Variants in EYA1 observed in about 807,000 individuals in gnomAD.
EYA1 encodes protein phosphatase EYA1.
In EYA1, 16 loss-of-function variants were observed where a neutral mutation model predicts 82.0. The ratio of observed to expected loss-of-function variants is 0.20; its 90% confidence interval spans 0.13 to 0.30. The LOEUF (loss-of-function observed/expected upper bound fraction) is 0.30. EYA1 is among the 10% of genes least tolerant of loss of function. The probability of loss-of-function intolerance (pLI) is 1.00; values close to 1 mark genes in which losing one functional copy is unlikely to be tolerated. For synonymous variants in EYA1, 261 were observed against 264.4 expected, an observed-to-expected ratio of 0.99 and a Z score of 0.12; for missense variants, 633 against 730.7, an observed-to-expected ratio of 0.87 and a Z score of 1.54.
chr8:71,538,124 A>G (rs1244519378), intron 1 of EYA1, among the ~76,000 whole-genome samples: 1 of 152,188 alleles, frequency 6.6e-6, no homozygotes, highest in East Asian at 1.9e-4. Flanking sequence ...AAACCATGAA[A>G]TATATGACAT....
chr8:71,375,795 A>G (rs1162276146), intron 2 of EYA1, among the ~76,000 whole-genome samples: 1 of 151,886 alleles, frequency 6.6e-6, no homozygotes, highest in Non-Finnish European at 1.5e-5. Context: ...TGCCCAGATA[A>G]TTTTTGTATT....
chr8:71,490,590 T>A (rs531097362), intron 2 of EYA1, among the ~76,000 whole-genome samples: 14 of 152,178 alleles, frequency 9.2e-5, no homozygotes, highest in Non-Finnish European at 1.6e-4. Context: ...GAGAAAATTA[T>A]TCGAGGAGCT....
At chr8:71,364,985 T>TATATATAC (rs1563538598), upstream of EYA1, among the ~76,000 whole-genome samples, 1 of 117,300 alleles carries the variant, frequency 8.5e-6, no homozygotes, top group Non-Finnish European at 1.7e-5. Flanking sequence ...TATATATATA[T>TATATATAC]ACATATACAC....
intron 7 of EYA1, 25 bp from the exon 8 acceptor site, chr8:71,299,745 G>A (rs1343282266): frequency 8.5e-6 from 10 of 1,172,038 alleles, no homozygotes; most frequent in East Asian, 2.3e-5. Flanking sequence ...AAAGAAATAC[G>A]ATTATACCAG....
intron 12 of EYA1, among the ~76,000 whole-genome samples, chr8:71,230,095 G>A (rs1365827080): frequency 6.6e-6 from 1 of 152,070 alleles, no homozygotes; most frequent in African/African-American, 2.4e-5. Flanking sequence ...GAAGTCTCCA[G>A]GGACTGCAAC....
At chr8:71,462,056 C>T (rs763816049) in intron 2 of EYA1, among the ~76,000 whole-genome samples, 1 of 152,128 alleles carries the variant, frequency 6.6e-6, no homozygotes. Context: ...CAAGTTCCCA[C>T]TCCAGTCCTC....
At chr8:71,395,719 C>G (rs1462597433) in intron 2 of EYA1, among the ~76,000 whole-genome samples, 1 of 151,896 alleles carries the variant, frequency 6.6e-6, no homozygotes, top group Admixed American at 6.6e-5. Flanking sequence ...GATTTTGCAT[C>G]GATGTTCATC....
Position 71,317,618 on chromosome 8 carries a change from G to A in EYA1, c.490C>T (p.Leu164Phe). 1.2e-6 allele frequency: 2 copies of A among 1,614,150 alleles called. No individual in the cohort carries two copies. The highest frequency in any genetic ancestry group is 1.7e-6 in the Non-Finnish European group (2 of 1,179,988). Residue 164 changes from leucine (L) to phenylalanine (F), a missense_variant, in exon 7 of 18, where the codon CTC becomes TTC. Transcript: ENST00000340726. Reference protein sequence around the residue: ...QSQSPGQTGFLSYGTSFSTPQ... With the variant: ...QSQSPGQTGFFSYGTSFSTPQ... Reference sequence around the variant, plus strand: ...GTACTGAAGCTTGTGCCATAGCTGAGAAATCCTGTCTGTCCAGGTGACTGA... The same window carrying A: ...GTACTGAAGCTTGTGCCATAGCTGAAAAATCCTGTCTGTCCAGGTGACTGA...
intron 2 of EYA1, among the ~76,000 whole-genome samples, chr8:71,432,889 C>G (rs545843688): frequency 2.0e-5 from 3 of 152,180 alleles, no homozygotes; most frequent in Non-Finnish European, 4.4e-5. Context: ...CACCATGGTA[C>G]TATTCCAAGT....
intron 1 of EYA1, among the ~76,000 whole-genome samples, chr8:71,358,201 C>T (rs1213646342): frequency 6.6e-6 from 1 of 152,112 alleles, no homozygotes; most frequent in Non-Finnish European, 1.5e-5. Flanking sequence ...TATATTTGTA[C>T]TTTAACCAAT....
chr8:71,328,163 G>A (rs528150969), intron 4 of EYA1, among the ~76,000 whole-genome samples: 3 of 152,210 alleles, frequency 2.0e-5, no homozygotes, highest in South Asian at 4.2e-4. Context: ...CCAAGTTCAT[G>A]TGAATTTTTA....
At chr8:71,393,790 A>C (rs1391971740) in intron 2 of EYA1, among the ~76,000 whole-genome samples, 2 of 152,126 alleles carry the variant, frequency 1.3e-5, no homozygotes, top group Non-Finnish European at 2.9e-5. Context: ...ATGATTTATA[A>C]TCCTTTGGGT....
chr8:71,358,787 G>A (rs980737169), intron 1 of EYA1, among the ~76,000 whole-genome samples: 9 of 151,946 alleles, frequency 5.9e-5, no homozygotes, highest in Non-Finnish European at 8.8e-5. Context: ...TAATATCTCT[G>A]GAAGTTTCTG....
chr8:71,239,737 C>A (rs76803512), intron 12 of EYA1, among the ~76,000 whole-genome samples: 1 of 152,316 alleles, frequency 6.6e-6, no homozygotes, highest in Non-Finnish European at 1.5e-5. Context: ...TTGCAAGCAC[C>A]TGTGAGATCC....
At chr8:71,417,318 C>A (rs10101336) in intron 2 of EYA1, among the ~76,000 whole-genome samples, 33,386 of 152,106 alleles carry the variant, frequency 0.22, 4,424 homozygotes, top group Non-Finnish European at 0.3. Context: ...CAGTAGTCCA[C>A]AACAGTAGGG....
At chr8:71,457,175 G>A (rs1807999505) in intron 2 of EYA1, among the ~76,000 whole-genome samples, 1 of 152,150 alleles carries the variant, frequency 6.6e-6, no homozygotes, top group Admixed American at 6.5e-5. Flanking sequence ...CATCATCATT[G>A]GCCATCAGAG....
chr8:71,257,930 A>G (rs938370972), intron 11 of EYA1, among the ~76,000 whole-genome samples: 2 of 151,914 alleles, frequency 1.3e-5, no homozygotes, highest in Non-Finnish European at 2.9e-5. Flanking sequence ...TAGTGTTATC[A>G]TCTGACATCC....
chr8:71,500,265 A>G (rs1811718587), intron 2 of EYA1, among the ~76,000 whole-genome samples: 1 of 152,232 alleles, frequency 6.6e-6, no homozygotes, highest in Non-Finnish European at 1.5e-5. Context: ...GGGAACAAAT[A>G]TGTATAATAG....
intron 2 of EYA1, among the ~76,000 whole-genome samples, chr8:71,462,498 G>A (rs899685107): frequency 4.6e-5 from 7 of 152,202 alleles, no homozygotes; most frequent in African/African-American, 1.7e-4. Context: ...AGATGCCCAG[G>A]TTCAGTGCCT....
Sources: allele counts gnomAD v4.1 joint callset (sites outside exome capture counted in the v4.1 genomes callset), GRCh38; gene constraint gnomAD v4.1.1; transcripts MANE v1.5; gene names NCBI Gene and HGNC (gene_info 2026-07-23, HGNC 2026-07-21).